DTNBP1: variants seen among roughly 807,000 people sequenced by gnomAD.
The protein encoded by DTNBP1 is dysbindin.
Under a neutral mutation model 42.8 loss-of-function variants are expected in DTNBP1, and 35 were observed. The observed-to-expected ratio is 0.82, with a 90% confidence interval of 0.63 to 1.09. The LOEUF is 1.09. Ranked by LOEUF, DTNBP1 falls within the 50% of genes least tolerant of loss-of-function variation. The probability of loss-of-function intolerance (pLI) is 0.00; values close to 1 mark genes in which losing one functional copy is unlikely to be tolerated. For synonymous variants in DTNBP1, 171 were observed against 162.2 expected (o/e 1.05, Z -0.41); for missense variants, 457 against 424.2 (o/e 1.08, Z -0.68).
At chr6:15,574,077 G>A (rs1775459370) in intron 7 of DTNBP1, among the ~76,000 whole-genome samples, 1 of 152,210 alleles carries the variant, frequency 6.6e-6, no homozygotes, top group South Asian at 2.1e-4. Flanking sequence ...TGTCTCGGGA[G>A]ATGCTCACAT....
intron 6 of DTNBP1, among the ~76,000 whole-genome samples, chr6:15,605,595 C>T (rs1758001244): frequency 6.6e-6 from 1 of 152,190 alleles, no homozygotes; most frequent in Non-Finnish European, 1.5e-5. Context: ...CTGTCTTCCT[C>T]CACACCCCTA....
intron 5 of DTNBP1, among the ~76,000 whole-genome samples, chr6:15,617,238 A>G (rs1176418626): frequency 1.3e-5 from 2 of 152,128 alleles, no homozygotes; most frequent in Non-Finnish European, 2.9e-5. Context: ...CACAAAAATG[A>G]AAAGACATCC....
At chr6:15,650,026 TATC>T (rs1160973337) in intron 3 of DTNBP1, among the ~76,000 whole-genome samples, 1 of 152,174 alleles carries the variant, frequency 6.6e-6, no homozygotes, top group African/African-American at 2.4e-5. Context: ...AGGAAGCAAA[TATC>T]ATATTAAGCA....
intron 7 of DTNBP1, among the ~76,000 whole-genome samples, chr6:15,588,186 A>G (rs1254553311): frequency 6.6e-6 from 1 of 152,238 alleles, no homozygotes; most frequent in African/African-American, 2.4e-5. Context: ...GTGACTTTTT[A>G]TTCTACTCAG....
chr6:15,570,803 A>C (rs1775307284), intron 7 of DTNBP1, among the ~76,000 whole-genome samples: 1 of 152,246 alleles, frequency 6.6e-6, no homozygotes, highest in African/African-American at 2.4e-5. Flanking sequence ...TAATATTTGA[A>C]TAATATTTGA....
chr6:15,651,639 C>T (rs1384007109), intron 2 of DTNBP1, among the ~76,000 whole-genome samples: 1 of 152,056 alleles, frequency 6.6e-6, no homozygotes, highest in Non-Finnish European at 1.5e-5. Flanking sequence ...GATCACAGTT[C>T]ATTTCTAGGT....
chr6:15,549,598 T>A (rs1225721345), intron 7 of DTNBP1, among the ~76,000 whole-genome samples: 1 of 151,388 alleles, frequency 6.6e-6, no homozygotes, highest in Non-Finnish European at 1.5e-5. Flanking sequence ...GCAGCTGCCC[T>A]TTCCGTCAGC....
intron 4 of DTNBP1, among the ~76,000 whole-genome samples, chr6:15,629,031 T>C (rs1759530355): frequency 6.6e-6 from 1 of 151,848 alleles, no homozygotes; most frequent in Non-Finnish European, 1.5e-5. Context: ...TATTTTTGTG[T>C]ATTTAAAAAT....
chr6:15,652,443 A>G (rs1032597929), intron 1 of DTNBP1, among the ~76,000 whole-genome samples: 1 of 152,046 alleles, frequency 6.6e-6, no homozygotes, highest in African/African-American at 2.4e-5. Flanking sequence ...CAGCCTCCCA[A>G]AATGCTGGGA....
chr6:15,536,724 T>G (rs1773250897), intron 7 of DTNBP1, among the ~76,000 whole-genome samples: 1 of 152,218 alleles, frequency 6.6e-6, no homozygotes. Flanking sequence ...ACTGGGGCAC[T>G]GCCTAGTGGA....
At chr6:15,650,935 T>A (rs1337455627) in intron 3 of DTNBP1, among the ~76,000 whole-genome samples, 1 of 152,176 alleles carries the variant, frequency 6.6e-6, no homozygotes, top group Non-Finnish European at 1.5e-5. Flanking sequence ...AAAAAGACCA[T>A]ACATTTTAAT....
intron 6 of DTNBP1, among the ~76,000 whole-genome samples, chr6:15,610,547 G>A (rs757631613): frequency 2.0e-5 from 3 of 152,184 alleles, no homozygotes; most frequent in Non-Finnish European, 4.4e-5. Flanking sequence ...AAGGCATGTC[G>A]AAAGCCAAGA....
Position 15,642,251 on chromosome 6 carries a change from C to T in DTNBP1, c.162-4447G>A, listed in dbSNP as rs147030227. Among the ~76,000 whole-genome samples the T allele has an allele frequency of 9.2e-3, 1,401 of 152,276 alleles. 10 individuals carry two copies. Among genetic ancestry groups the T allele is most frequent in the Middle Eastern group, 0.017 (5 of 294 alleles). On this transcript the variant is annotated intron_variant, in intron 3 of 9. Transcript: ENST00000344537. ...GTGGCAGCCCTCAGAGGAGTGTACC[C>T]GCAACCCGCAGCCAGGAACCAAAGG...
At chr6:15,546,357 G>A (rs979078951) in intron 7 of DTNBP1, among the ~76,000 whole-genome samples, 9 of 151,900 alleles carry the variant, frequency 5.9e-5, no homozygotes, top group East Asian at 1.9e-4. Flanking sequence ...GAGCCACCGC[G>A]CCTGGCCCCA....
intron 6 of DTNBP1, among the ~76,000 whole-genome samples, chr6:15,614,076 T>C (rs1022945725): frequency 6.6e-6 from 1 of 152,154 alleles, no homozygotes; most frequent in Non-Finnish European, 1.5e-5. Context: ...TTATGGCTCA[T>C]TAACATTTAG....
chr6:15,600,333 G>C lies in DTNBP1; in HGVS notation c.489-7252C>G, dbSNP rs936296555. On this transcript the variant is annotated intron_variant, in intron 6 of 9. Transcript: ENST00000344537. ...CTGACAAGTTGTTTTATCTCCCCTA[G>C]TCTCTCTTTTCTTATTGGTAGAGAA... is the stretch of plus-strand genomic sequence containing the variant. 1.1e-4 allele frequency among the ~76,000 whole-genome samples: 17 copies of C among 152,070 alleles called. 1 individual carries two copies. Among genetic ancestry groups the C allele is most frequent in the Admixed American group, 9.2e-4 (14 of 15,280 alleles).
intron 7 of DTNBP1, among the ~76,000 whole-genome samples, chr6:15,564,453 G>T (rs1259411334): frequency 6.6e-6 from 1 of 151,788 alleles, no homozygotes; most frequent in Admixed American, 6.6e-5. Flanking sequence ...TATTGCCCAG[G>T]CTAAAGTACA....
At chr6:15,523,279 C>T (rs1772045895) in intron 9 of DTNBP1, 60 bp from the exon 10 acceptor site, 8 of 1,601,594 alleles carry the variant, frequency 5.0e-6, no homozygotes, top group South Asian at 4.4e-5. Flanking sequence ...ATCAGAATTG[C>T]CGCCAACAGC....
chr6:15,530,423 A>G (rs1246560535), intron 8 of DTNBP1, among the ~76,000 whole-genome samples: 2 of 152,256 alleles, frequency 1.3e-5, no homozygotes, highest in Non-Finnish European at 2.9e-5. Context: ...CCTTAAAAAA[A>G]TGAGCCCAGC....
Sources: allele counts gnomAD v4.1 joint callset (sites outside exome capture counted in the v4.1 genomes callset), GRCh38; gene constraint gnomAD v4.1.1; transcripts MANE v1.5; gene names NCBI Gene and HGNC (gene_info 2026-07-23, HGNC 2026-07-21).